Variants in SUGCT observed in about 807,000 individuals in gnomAD.
SUGCT encodes the protein succinyl-CoA:glutarate-CoA transferase.
A neutral mutation model predicts 55.0 loss-of-function variants in SUGCT; 41 were observed. The ratio of observed to expected loss-of-function variants is 0.74; its 90% confidence interval spans 0.58 to 0.97. The LOEUF (loss-of-function observed/expected upper bound fraction) is 0.97. SUGCT is among the 50% of genes least tolerant of loss of function. The probability of loss-of-function intolerance (pLI) is 0.00; values close to 1 mark genes in which losing one functional copy is unlikely to be tolerated. For synonymous variants in SUGCT, 187 were observed against 200.4 expected (o/e 0.93, Z 0.56); for missense variants, 568 against 547.8 (o/e 1.04, Z -0.37).
intron 9 of SUGCT, among the ~76,000 whole-genome samples, chr7:40,323,692 C>T (rs1795863889): frequency 6.6e-6 from 1 of 152,196 alleles, no homozygotes; most frequent in African/African-American, 2.4e-5. Flanking sequence ...TGCTCGCAGA[C>T]TTAGACTGTT....
chr7:40,173,005 T>C (rs1220953555), intron 1 of SUGCT, among the ~76,000 whole-genome samples: 4 of 152,188 alleles, frequency 2.6e-5, no homozygotes, highest in Non-Finnish European at 4.4e-5. Flanking sequence ...CCACCAAATG[T>C]TACGGGTGGG....
chr7:40,689,625 G>A (rs907103258), intron 12 of SUGCT, among the ~76,000 whole-genome samples: 12 of 152,056 alleles, frequency 7.9e-5, no homozygotes, highest in African/African-American at 2.9e-4. Context: ...ATCTTCTAGT[G>A]GAATCCTGGT....
chr7:40,174,548 G>T (rs752336867), intron 1 of SUGCT, among the ~76,000 whole-genome samples: 5 of 152,232 alleles, frequency 3.3e-5, no homozygotes, highest in Admixed American at 6.5e-5. Context: ...TCAGGTGAGA[G>T]GATTGCTTGA....
chr7:40,365,503 T>C (rs2151235159), intron 9 of SUGCT, among the ~76,000 whole-genome samples: 1 of 152,208 alleles, frequency 6.6e-6, no homozygotes, highest in South Asian at 2.1e-4. Context: ...TGATTGTATA[T>C]CTAGAAAACC....
chr7:40,731,785 A>T (rs1428961362), intron 12 of SUGCT, among the ~76,000 whole-genome samples: 1 of 152,204 alleles, frequency 6.6e-6, no homozygotes, highest in African/African-American at 2.4e-5. Context: ...GAAAACAATA[A>T]TATTTCTTTA....
At chr7:40,666,377 AGGAAG>A (rs1346231846) in intron 12 of SUGCT, among the ~76,000 whole-genome samples, 1 of 143,786 alleles carries the variant, frequency 7.0e-6, no homozygotes, top group Non-Finnish European at 1.5e-5. Context: ...GAAGGAAGGA[AGGAAG>A]GAAGGAAGGA....
chr7:40,252,213 G>A (rs932716889), intron 7 of SUGCT, among the ~76,000 whole-genome samples: 4 of 152,006 alleles, frequency 2.6e-5, no homozygotes, highest in South Asian at 2.1e-4. Flanking sequence ...CTGCAGCGTC[G>A]AGCTCCTGAG....
chr7:40,157,169 G>A (rs1321814685), intron 1 of SUGCT, among the ~76,000 whole-genome samples: 2 of 152,086 alleles, frequency 1.3e-5, no homozygotes, highest in East Asian at 1.9e-4. Context: ...TCCCAAGATC[G>A]TAAACCCAGT....
At chr7:40,664,979 C>CA (rs11344902) in intron 12 of SUGCT, among the ~76,000 whole-genome samples, 3,072 of 109,312 alleles carry the variant, frequency 0.028, 38 homozygotes, top group Non-Finnish European at 0.042. Flanking sequence ...GACTCTGTCT[C>CA]AAAAAAAAAA....
chr7:40,217,933 G>T, intron 6 of SUGCT, among the ~76,000 whole-genome samples: 1 of 152,128 alleles, frequency 6.6e-6, no homozygotes, highest in East Asian at 1.9e-4. Flanking sequence ...AATAAAGGGG[G>T]CCAGGTGTGG....
chr7:40,963,705 G>A, the SUGCT span, among the ~76,000 whole-genome samples: 1 of 151,928 alleles, frequency 6.6e-6, no homozygotes, highest in African/African-American at 2.4e-5. Flanking sequence ...GATTCATTCT[G>A]CTTATATACA....
the SUGCT span, among the ~76,000 whole-genome samples, chr7:40,909,497 A>G: frequency 6.6e-6 from 1 of 152,218 alleles, no homozygotes; most frequent in Non-Finnish European, 1.5e-5. Flanking sequence ...TGCTAGATGC[A>G]GTGAAACATG....
intron 13 of SUGCT, among the ~76,000 whole-genome samples, chr7:40,854,423 T>C (rs570727684): frequency 1.0e-3 from 118 of 113,392 alleles, no homozygotes; most frequent in African/African-American, 3.7e-3. Context: ...TTCTTTCCTT[T>C]CTTTCTTTCT....
chr7:40,685,521 C>T (rs1241247270), intron 12 of SUGCT, among the ~76,000 whole-genome samples: 1 of 152,180 alleles, frequency 6.6e-6, no homozygotes, highest in Non-Finnish European at 1.5e-5. Context: ...CCATCTTTAT[C>T]TTTGATTGGT....
chr7:40,874,034 A>G, the SUGCT span, among the ~76,000 whole-genome samples: 2 of 40,818 alleles, frequency 4.9e-5, no homozygotes, highest in South Asian at 4.0e-3. Context: ...AGGAACACCA[A>G]CCACTGGCAT....
At chr7:40,319,227 G>A (rs1025028778) in intron 9 of SUGCT, among the ~76,000 whole-genome samples, 1 of 152,112 alleles carries the variant, frequency 6.6e-6, no homozygotes, top group African/African-American at 2.4e-5. Flanking sequence ...ATTTCCTCAA[G>A]AGCCCAGAAT....
At chr7:40,475,057 T>A (rs1490256178) in intron 11 of SUGCT, among the ~76,000 whole-genome samples, 1 of 152,244 alleles carries the variant, frequency 6.6e-6, no homozygotes, top group African/African-American at 2.4e-5. Flanking sequence ...ATGTGCCACG[T>A]TGACTTGCAT....
At chr7:40,931,762 G>A in the SUGCT span, among the ~76,000 whole-genome samples, 2 of 152,206 alleles carry the variant, frequency 1.3e-5, no homozygotes, top group South Asian at 4.2e-4. Context: ...TGGGATCAGT[G>A]GTGATATCTG....
At chr7:40,176,262 C>G (rs1784918444) in intron 1 of SUGCT, among the ~76,000 whole-genome samples, 1 of 151,778 alleles carries the variant, frequency 6.6e-6, no homozygotes, top group Non-Finnish European at 1.5e-5. Flanking sequence ...GTCAAATTCC[C>G]AAATACAGAA....
Sources: gnomAD v4.1 joint callset for allele counts (sites outside exome capture counted in the v4.1 genomes callset) on GRCh38, gnomAD v4.1.1 for gene constraint, MANE v1.5 for transcripts, NCBI Gene and HGNC (gene_info 2026-07-23, HGNC 2026-07-21) for gene names.